Variants in ASB7 observed in about 807,000 individuals in gnomAD.
ASB7 encodes ankyrin repeat and SOCS box containing 7, also known as ankyrin repeat and SOCS box protein 7.
In ASB7, 4 loss-of-function variants were observed where a neutral mutation model predicts 32.5. The observed-to-expected ratio is 0.12, with a 90% CI of 0.06 to 0.28. The LOEUF (loss-of-function observed/expected upper bound fraction) is 0.28. ASB7 is among the 10% of genes least tolerant of loss of function. The pLI is 1.00. For missense variants in ASB7, 181 were observed against 407.1 expected, an observed-to-expected ratio of 0.44 and a Z score of 4.78; for synonymous variants, 172 against 155.6, an observed-to-expected ratio of 1.11 and a Z score of -0.78.
intron 4 of ASB7, among the ~76,000 whole-genome samples, chr15:100,613,562 T>G (rs755357558): frequency 1.3e-5 from 2 of 152,178 alleles, no homozygotes; most frequent in Non-Finnish European, 2.9e-5. Context: ...ACACAAAAAC[T>G]TCAGTTCTGA....
intron 5 of ASB7, among the ~76,000 whole-genome samples, chr15:100,643,165 G>A (rs2039972837): frequency 1.3e-5 from 2 of 152,192 alleles, no homozygotes; most frequent in Non-Finnish European, 1.5e-5. Flanking sequence ...TAGGTTGCTA[G>A]GGCGTCTTGG....
At chr15:100,620,639 C>T (rs1016714162) in intron 4 of ASB7, among the ~76,000 whole-genome samples, 2 of 152,016 alleles carry the variant, frequency 1.3e-5, no homozygotes, top group Non-Finnish European at 2.9e-5. Context: ...TGTACAAACC[C>T]TGGTAGCCTC....
At chr15:100,643,974 A>C (rs1367483922) in intron 5 of ASB7, among the ~76,000 whole-genome samples, 2 of 152,100 alleles carry the variant, frequency 1.3e-5, no homozygotes, top group Non-Finnish European at 2.9e-5. Context: ...AGGGCCTGGC[A>C]TGGCGGCTCA....
chr15:100,610,367 C>T (rs1426526111), intron 3 of ASB7, among the ~76,000 whole-genome samples: 1 of 151,988 alleles, frequency 6.6e-6, no homozygotes, highest in Non-Finnish European at 1.5e-5. Flanking sequence ...TGGTGGCAGG[C>T]GCCTGTAGTC....
chr15:100,632,983 C>T (rs1317423470), intron 5 of ASB7, among the ~76,000 whole-genome samples: 4 of 151,684 alleles, frequency 2.6e-5, no homozygotes, highest in Non-Finnish European at 4.4e-5. Flanking sequence ...ACAGCCAGCC[C>T]GCTGTCCAGC....
chr15:100,603,281 G>A lies in ASB7; in HGVS notation c.-206G>A, dbSNP rs1460390570. The A allele has an allele frequency of 1.2e-5, 4 of 326,618 alleles. No homozygotes were observed. Among genetic ancestry groups the A allele is most frequent in the Non-Finnish European group, 2.2e-5 (4 of 181,168 alleles). 20.2% of individuals were successfully genotyped at this position (326,618 alleles called of 1,614,324 possible). On this transcript the variant is annotated 5_prime_UTR_variant, in exon 2 of 6. Transcript: ENST00000332783. ...TGCCCACCTATCAGAGAAGCAGAAG[G>A]CACAGTGCCTCTGACCAGCATCGTC...
rs1425183596 is a variant in ASB7 at position 100,629,168 on chromosome 15, TG to T, written c.212-268del. On this transcript the variant is annotated intron_variant, in intron 4 of 5. Transcript: ENST00000332783. The surrounding 1 kb of genome is among the most constrained non-coding windows in gnomAD (Gnocchi z 6.8). Reference sequence around the variant, plus strand: ...AAATTAGCAAAGACAGGGGATGTGGTGATCTGTACTCCGTGTTTTTTGTGTA... The same window carrying T: ...AAATTAGCAAAGACAGGGGATGTGGTATCTGTACTCCGTGTTTTTTGTGTA... Among the ~76,000 whole-genome samples, 1 of 152,222 alleles carries T rather than the reference TG, an allele frequency of 6.6e-6. No individual in the cohort carries two copies. The highest frequency in any genetic ancestry group is 1.5e-5 in the Non-Finnish European group (1 of 68,034).
intron 2 of ASB7, among the ~76,000 whole-genome samples, chr15:100,604,607 A>G (rs923841451): frequency 6.6e-6 from 1 of 152,168 alleles, no homozygotes; most frequent in African/African-American, 2.4e-5. Context: ...TTTTAAGGGG[A>G]TCTGAGGTAT....
intron 4 of ASB7, among the ~76,000 whole-genome samples, chr15:100,621,870 G>A (rs8028602): frequency 0.98 from 147,628 of 150,738 alleles, 72,376 homozygotes; most frequent in South Asian, 1. Context: ...GTGAAAAAAA[G>A]AAAACAGGAG....
chr15:100,630,262 CA>C, intron 5 of ASB7: 2 of 1,121,968 alleles, frequency 1.8e-6, no homozygotes, highest in Non-Finnish European at 2.3e-6. Context: ...TAGGGGTAGA[CA>C]GTAAGAGTGA....
chr15:100,622,665 C>T (rs1031161632), intron 4 of ASB7, among the ~76,000 whole-genome samples: 9 of 152,120 alleles, frequency 5.9e-5, no homozygotes, highest in Non-Finnish European at 7.4e-5. Context: ...AACTGATTTT[C>T]GACAAAGATA....
rs1188067331 is a variant in ASB7 at position 100,649,436 on chromosome 15, A to G, written c.*974A>G. Reference sequence around the variant, plus strand: ...AGAAAATTTTGTACCCTGGTGGTCGAGTCTTCCCTTAAAAATTGTTAAATC... The same window carrying G: ...AGAAAATTTTGTACCCTGGTGGTCGGGTCTTCCCTTAAAAATTGTTAAATC... On this transcript the variant is annotated 3_prime_UTR_variant, in exon 6 of 6. Transcript: ENST00000332783. 1 of 152,110 alleles carries G rather than the reference A, an allele frequency of 6.6e-6. No individual in the cohort carries two copies. Among genetic ancestry groups the G allele is most frequent in the Non-Finnish European group, 1.5e-5 (1 of 68,032 alleles). 9.4% of individuals were successfully genotyped at this position (152,110 alleles called of 1,614,324 possible).
chr15:100,621,051 TGAAA>T (rs1319540992), intron 4 of ASB7, among the ~76,000 whole-genome samples: 3 of 152,198 alleles, frequency 2.0e-5, no homozygotes, highest in African/African-American at 7.2e-5. Flanking sequence ...ATTTCAAAAA[TGAAA>T]GATTTTGCAA....
intron 5 of ASB7, chr15:100,645,979 C>A: frequency 3.9e-6 from 2 of 512,112 alleles, no homozygotes; most frequent in South Asian, 3.6e-5. Flanking sequence ...CTTTCTTGGT[C>A]AGTTTGTGGA....
chr15:100,620,287 A>T (rs548315171), intron 4 of ASB7, among the ~76,000 whole-genome samples: 2 of 152,326 alleles, frequency 1.3e-5, no homozygotes, highest in East Asian at 1.9e-4. Flanking sequence ...ATTGTTTTTT[A>T]AAAATGTATT....
At chr15:100,641,973 A>C (rs547877829) in intron 5 of ASB7, among the ~76,000 whole-genome samples, 2 of 152,232 alleles carry the variant, frequency 1.3e-5, no homozygotes, top group Non-Finnish European at 2.9e-5. Flanking sequence ...AGCCAAATCC[A>C]GGCAGCCTGG....
intron 5 of ASB7, among the ~76,000 whole-genome samples, chr15:100,637,081 G>C (rs549974908): frequency 3.3e-5 from 5 of 152,296 alleles, no homozygotes; most frequent in African/African-American, 1.2e-4. Flanking sequence ...ATTAAATCCT[G>C]TTCCTGCGAA....
intron 2 of ASB7, among the ~76,000 whole-genome samples, chr15:100,603,522 T>G (rs939407655): frequency 1.3e-5 from 2 of 149,446 alleles, no homozygotes; most frequent in Non-Finnish European, 3.0e-5. Context: ...ATTTTCCCAC[T>G]TTCTTTCTGT....
intron 5 of ASB7, chr15:100,646,249 A>G (rs2039996109): frequency 2.5e-6 from 1 of 399,650 alleles, no homozygotes; most frequent in East Asian, 5.8e-5. Context: ...CATGTGTCCC[A>G]CAATTGTCAA....
Sources: allele counts gnomAD v4.1 joint callset (sites outside exome capture counted in the v4.1 genomes callset), GRCh38; gene constraint gnomAD v4.1.1; non-coding constraint Gnocchi (gnomAD v3.1); transcripts MANE v1.5; gene names NCBI Gene and HGNC (gene_info 2026-07-23, HGNC 2026-07-21).